DGKB: variants seen among roughly 807,000 people sequenced by gnomAD.
DGKB encodes 90 kDa diacylglycerol kinase.
A neutral mutation model predicts 114.3 loss-of-function variants in DGKB; 67 were observed. The observed-to-expected ratio is 0.59, with a 90% CI of 0.48 to 0.72. The LOEUF is 0.72. DGKB is among the 30% of genes least tolerant of loss of function. The probability of loss-of-function intolerance (pLI) is 0.00; values close to 1 mark genes in which losing one functional copy is unlikely to be tolerated. For synonymous variants in DGKB, 398 were observed against 323.1 expected (o/e 1.23, Z -2.49); for missense variants, 907 against 975.2 (o/e 0.93, Z 0.93).
chr7:14,535,410 A>T (rs1166133293), intron 20 of DGKB, among the ~76,000 whole-genome samples: 1 of 151,554 alleles, frequency 6.6e-6, no homozygotes, highest in African/African-American at 2.4e-5. Flanking sequence ...AAAGAAAGAA[A>T]AATTAAAAAG....
chr7:14,330,419 T>C (rs1354083258), intron 23 of DGKB, among the ~76,000 whole-genome samples: 1 of 151,988 alleles, frequency 6.6e-6, no homozygotes, highest in African/African-American at 2.4e-5. Context: ...TTTTCAGGAA[T>C]GAACAAATTG....
chr7:14,421,854 A>G (rs962896918), intron 21 of DGKB, among the ~76,000 whole-genome samples: 2 of 152,078 alleles, frequency 1.3e-5, no homozygotes, highest in African/African-American at 4.8e-5. Context: ...ACTATTTTCA[A>G]ACAAATATGG....
chr7:14,892,324 T>G (rs1781375012), intron 1 of DGKB, among the ~76,000 whole-genome samples: 1 of 151,190 alleles, frequency 6.6e-6, no homozygotes, highest in African/African-American at 2.4e-5. Context: ...CCAAGGATAA[T>G]TGACTTACCT....
chr7:14,839,452 T>C (rs1847615246), intron 2 of DGKB, among the ~76,000 whole-genome samples: 1 of 149,112 alleles, frequency 6.7e-6, no homozygotes, highest in Non-Finnish European at 1.5e-5. Flanking sequence ...TCAGCCATGG[T>C]AGAGTGCAGT....
chr7:14,852,495 A>AAAAAAAAAAAAAAAAAAAAAAAAAAAAAT, intron 1 of DGKB, among the ~76,000 whole-genome samples: 1 of 145,416 alleles, frequency 6.9e-6, no homozygotes, highest in Non-Finnish European at 1.6e-5. Context: ...GTCAAAAAAA[A>AAAAAAAAAAAAAAAAAAAAAAAAAAAAAT]AACAGAAATC....
At position 14,363,113 on chromosome 7, in the gene DGKB, C is replaced by T. The variant is rs544270250; in HGVS notation, c.1836-17722G>A. ...GAGACACAGTATCCTGGCTGGGCTT[C>T]GCCTCCAGCTCATCCACCAGATTAC... On this transcript the variant is annotated intron_variant, in intron 21 of 25. Coordinates refer to ENST00000402815, the MANE Select transcript of DGKB (RefSeq NM_001350709.2). Among the ~76,000 whole-genome samples, 5 of 152,254 alleles carry T rather than the reference C, an allele frequency of 3.3e-5. No homozygotes were observed. The South Asian group carries it at 6.2e-4, about 19-fold the overall frequency.
chr7:14,222,967 T>C (rs2128326150), intron 23 of DGKB, among the ~76,000 whole-genome samples: 1 of 151,828 alleles, frequency 6.6e-6, no homozygotes, highest in East Asian at 1.9e-4. Context: ...TTTCTTGTGA[T>C]TGCTGTTTGC....
intron 1 of DGKB, among the ~76,000 whole-genome samples, chr7:14,861,519 A>T (rs1017001969): frequency 3.3e-5 from 5 of 152,010 alleles, no homozygotes; most frequent in Admixed American, 1.3e-4. Flanking sequence ...TTGAAAGAAA[A>T]ATAATAAAGT....
chr7:14,672,540 G>C (rs985890191), intron 13 of DGKB, among the ~76,000 whole-genome samples: 2 of 151,892 alleles, frequency 1.3e-5, no homozygotes, highest in Non-Finnish European at 2.9e-5. Context: ...ACCTAGATGA[G>C]AGCCCTCAAC....
chr7:14,377,758 T>C (rs550092531), intron 21 of DGKB, among the ~76,000 whole-genome samples: 3 of 152,296 alleles, frequency 2.0e-5, no homozygotes, highest in Admixed American at 2.0e-4. Context: ...TTTGGCTAGA[T>C]CACTTTCCTG....
intron 23 of DGKB, among the ~76,000 whole-genome samples, chr7:14,304,077 A>T (rs1178838147): frequency 3.4e-4 from 31 of 90,442 alleles, no homozygotes; most frequent in African/African-American, 1.7e-3. Context: ...ACACACACAC[A>T]CACACACACA....
intron 2 of DGKB, among the ~76,000 whole-genome samples, chr7:14,810,195 A>G (rs1360231332): frequency 6.6e-6 from 1 of 152,228 alleles, no homozygotes; most frequent in East Asian, 1.9e-4. Flanking sequence ...TCAGAGGTCA[A>G]TGACACAAGC....
chr7:14,259,751 T>C (rs1796487644), intron 23 of DGKB, among the ~76,000 whole-genome samples: 1 of 151,984 alleles, frequency 6.6e-6, no homozygotes, highest in African/African-American at 2.4e-5. Flanking sequence ...CAAATGTTCA[T>C]TGTCATTGCG....
At chr7:14,375,113 C>T (rs991001660) in intron 21 of DGKB, among the ~76,000 whole-genome samples, 9 of 152,134 alleles carry the variant, frequency 5.9e-5, no homozygotes, top group East Asian at 5.8e-4. Flanking sequence ...TCCCTCTCTC[C>T]GCCTCCCACA....
At chr7:14,410,825 G>T (rs1368788985) in intron 21 of DGKB, among the ~76,000 whole-genome samples, 1 of 151,950 alleles carries the variant, frequency 6.6e-6, no homozygotes, top group African/African-American at 2.4e-5. Flanking sequence ...ATAACCCACA[G>T]AAAAATGAAA....
chr7:14,799,501 A>G (rs1393836367), intron 2 of DGKB, among the ~76,000 whole-genome samples: 1 of 152,206 alleles, frequency 6.6e-6, no homozygotes, highest in African/African-American at 2.4e-5. Context: ...AAATCTGACT[A>G]AAATTCAAGA....
intron 5 of DGKB, among the ~76,000 whole-genome samples, chr7:14,721,361 T>G (rs553995816): frequency 6.6e-6 from 1 of 152,318 alleles, no homozygotes; most frequent in East Asian, 1.9e-4. Context: ...CGAGTATGAA[T>G]GTACACATAT....
At chr7:14,351,600 T>C (rs1327180489) in intron 21 of DGKB, among the ~76,000 whole-genome samples, 1 of 152,250 alleles carries the variant, frequency 6.6e-6, no homozygotes, top group Non-Finnish European at 1.5e-5. Context: ...ATTTATTTTT[T>C]TTTGATTGGC....
Position 14,940,528 on chromosome 7 carries a change from C to T in DGKB, c.-188+34168G>A, listed in dbSNP as rs1785517800. Among the ~76,000 whole-genome samples the T allele has an allele frequency of 2.0e-5, 3 of 151,962 alleles. No homozygotes were observed. The South Asian group carries it at 6.2e-4, about 31-fold the overall frequency. ...ATCAAAATTGACTGCAAAAATTTTC[C>T]TTTAATAACCATATCCAGCTTGAGG... On this transcript the variant is annotated intron_variant, in intron 1 of 4. Transcript: ENST00000437998.
Sources: gnomAD v4.1 joint callset for allele counts (sites outside exome capture counted in the v4.1 genomes callset) on GRCh38, gnomAD v4.1.1 for gene constraint, MANE v1.5 for transcripts, NCBI Gene and HGNC (gene_info 2026-07-23, HGNC 2026-07-21) for gene names.